UBAP2: variants seen among roughly 807,000 people sequenced by gnomAD.
The protein encoded by UBAP2 is ubiquitin associated protein 2.
UBAP2 carries 75 observed loss-of-function variants against 139.6 expected under a neutral mutation model. That is an observed-to-expected ratio of 0.54 (90% confidence interval 0.45 to 0.65). The LOEUF is 0.65. Ranked by LOEUF, UBAP2 falls within the 30% of genes least tolerant of loss-of-function variation. UBAP2 has a pLI of 0.00. For synonymous variants in UBAP2, 526 were observed against 526.2 expected, an observed-to-expected ratio of 1.00 and a Z score of 0.01; for missense variants, 1,368 against 1,369.6, an observed-to-expected ratio of 1.00 and a Z score of 0.02.
At position 33,988,956 on chromosome 9, in the gene UBAP2, A is replaced by T. The variant is rs1026195249; in HGVS notation, c.442+17T>A. Reference sequence around the variant, plus strand: ...GATGAAAGAAGAGAAAAAACTGAGGAGAAAGTCTGTACTTACATTCTCTGC... The same window carrying T: ...GATGAAAGAAGAGAAAAAACTGAGGTGAAAGTCTGTACTTACATTCTCTGC... On this transcript the variant is annotated intron_variant, in intron 5 of 28. Coordinates refer to ENST00000379238, the MANE Select transcript of UBAP2 (RefSeq NM_001370062.2). 2.5e-6 allele frequency: 4 copies of T among 1,594,720 alleles called. No homozygotes were observed. Among genetic ancestry groups the T allele is most frequent in the African/African-American group, 2.7e-5 (2 of 73,452 alleles).
At chr9:34,043,747 G>T (rs945349646) in intron 1 of UBAP2, among the ~76,000 whole-genome samples, 1 of 151,084 alleles carries the variant, frequency 6.6e-6, no homozygotes, top group African/African-American at 2.4e-5. Flanking sequence ...TTCCACCTCA[G>T]CCTCCCAAAG....
At chr9:33,970,232 C>T (rs1361959026) in intron 8 of UBAP2, among the ~76,000 whole-genome samples, 1 of 151,828 alleles carries the variant, frequency 6.6e-6, no homozygotes, top group Non-Finnish European at 1.5e-5. Flanking sequence ...TTTTCTCCTT[C>T]CTGGAACCAA....
intron 18 of UBAP2, among the ~76,000 whole-genome samples, chr9:33,932,893 CAG>C (rs1824119765): frequency 6.6e-6 from 1 of 152,186 alleles, no homozygotes; most frequent in Admixed American, 6.5e-5. Flanking sequence ...AAAGTGAAGA[CAG>C]AGTTGCACTA....
At chr9:33,927,667 G>A in intron 20 of UBAP2, 130 bp downstream of exon 20, 1 of 933,400 alleles carries the variant, frequency 1.1e-6, no homozygotes, top group Non-Finnish European at 1.6e-6. Flanking sequence ...TGGGCCTCAA[G>A]GTCAGTGGAA....
intron 16 of UBAP2, among the ~76,000 whole-genome samples, chr9:33,941,424 T>C (rs764064607): frequency 1.3e-5 from 2 of 152,188 alleles, no homozygotes; most frequent in Non-Finnish European, 2.9e-5. Context: ...CACGCATGCT[T>C]GGTTTTCTCC....
chr9:34,025,038 G>T (rs866148028), intron 1 of UBAP2, among the ~76,000 whole-genome samples: 1 of 151,736 alleles, frequency 6.6e-6, no homozygotes, highest in South Asian at 2.1e-4. Context: ...AGGTAAAAGC[G>T]TAAGTTACCA....
At position 33,959,001 on chromosome 9, in the gene UBAP2, T is replaced by C. The variant is rs182011889; in HGVS notation, c.798+1825A>G. Among the ~76,000 whole-genome samples the C allele has an allele frequency of 4.0e-5, 6 of 151,560 alleles. No individual in the cohort carries two copies. In the East Asian group the frequency reaches 1.2e-3, roughly 30 times the overall value. On this transcript the variant is annotated intron_variant, in intron 10 of 28. Coordinates refer to ENST00000379238, the MANE Select transcript of UBAP2 (RefSeq NM_001370062.2). ...CCGTCTCTACTAAAAATACAAACAT[T>C]GGCCAGGCATGGTGGCGTGCATCTA...
At chr9:33,941,954 T>A in intron 15 of UBAP2, 92 bp from the exon 16 acceptor site, 1 of 834,698 alleles carries the variant, frequency 1.2e-6, no homozygotes, top group Non-Finnish European at 1.9e-6. Context: ...GAGATGCAAC[T>A]ACTGCATCAA....
At chr9:33,933,977 T>C (rs1030857308) in intron 17 of UBAP2, 1 of 203,012 alleles carries the variant, frequency 4.9e-6, no homozygotes, top group Non-Finnish European at 1.0e-5. Flanking sequence ...GCCTAATATG[T>C]AGAATTATAA....
At chr9:33,927,384 C>G (rs1361755325) in intron 20 of UBAP2, among the ~76,000 whole-genome samples, 1 of 152,102 alleles carries the variant, frequency 6.6e-6, no homozygotes, top group Non-Finnish European at 1.5e-5. Flanking sequence ...CTGCCTCCTC[C>G]AAAGAGGGCA....
chr9:33,930,572 C>T (rs540359364), intron 19 of UBAP2, among the ~76,000 whole-genome samples: 46 of 152,130 alleles, frequency 3.0e-4, no homozygotes, highest in African/African-American at 1.0e-3. Context: ...ATAAAATACT[C>T]TCATTTATGT....
intron 1 of UBAP2, among the ~76,000 whole-genome samples, chr9:34,047,304 T>C (rs1483099381): frequency 6.6e-6 from 1 of 152,096 alleles, no homozygotes; most frequent in Admixed American, 6.6e-5. Context: ...ACTAATCACT[T>C]CTGCCTAATG....
intron 2 of UBAP2, chr9:34,011,803 T>A: frequency 4.5e-6 from 1 of 224,282 alleles, no homozygotes; most frequent in Non-Finnish European, 7.6e-6. Flanking sequence ...CCAAGAAAAG[T>A]ACCATCACTA....
At chr9:33,954,266 A>G (rs1013763618) in intron 11 of UBAP2, among the ~76,000 whole-genome samples, 4 of 143,152 alleles carry the variant, frequency 2.8e-5, no homozygotes, top group East Asian at 2.1e-4. Context: ...AAGTGTGTGT[A>G]TATACACACA....
intron 10 of UBAP2, among the ~76,000 whole-genome samples, chr9:33,958,609 C>T (rs918674655): frequency 4.7e-5 from 7 of 150,404 alleles, no homozygotes; most frequent in Non-Finnish European, 1.0e-4. Context: ...GGTTTCACCA[C>T]GTTGGCCAGG....
At chr9:33,927,752 T>C (rs1323205807) in intron 20 of UBAP2, 45 bp downstream of exon 20, 4 of 1,556,702 alleles carry the variant, frequency 2.6e-6, no homozygotes, top group Middle Eastern at 2.2e-4. Context: ...GCAGGCACCT[T>C]TGAGGGGCTC....
At chr9:34,033,917 G>A (rs2131340218) in intron 1 of UBAP2, among the ~76,000 whole-genome samples, 1 of 151,982 alleles carries the variant, frequency 6.6e-6, no homozygotes, top group Non-Finnish European at 1.5e-5. Flanking sequence ...TGCATTTTTA[G>A]TAGAGACGGG....
chr9:34,020,273 C>A (rs896913118), intron 1 of UBAP2, among the ~76,000 whole-genome samples: 31 of 151,858 alleles, frequency 2.0e-4, no homozygotes, highest in Non-Finnish European at 3.7e-4. Context: ...AGGTCTTCAG[C>A]GCAATAACAC....
chr9:33,926,658 C>T lies in UBAP2; in HGVS notation c.2470G>A (p.Gly824Ser), dbSNP rs755968226. ...TGCAGCATCTGGAGCTCGTCATAGCCATAGATCTGTGTGAGAACCAGAAAG... is the reference window on the plus strand; with the variant it reads ...TGCAGCATCTGGAGCTCGTCATAGCTATAGATCTGTGTGAGAACCAGAAAG... ...GGLLPAYPIY[G>S]YDELQMLQSR... is the part of the protein sequence containing the mutation. The change falls in exon 22 of 29, where the codon GGC becomes AGC. Residue 824 changes from glycine to serine, a missense_variant. Gly to Ser is a moderately conservative substitution (Grantham distance 56). Coordinates refer to ENST00000379238, the MANE Select transcript of UBAP2 (RefSeq NM_001370062.2). 1.9e-6 allele frequency: 3 copies of T among 1,614,208 alleles called. No individual in the cohort carries two copies. Among genetic ancestry groups the T allele is most frequent in the Admixed American group, 1.7e-5 (1 of 60,028 alleles).
Sources: gnomAD v4.1 joint callset for allele counts (sites outside exome capture counted in the v4.1 genomes callset) on GRCh38, gnomAD v4.1.1 for gene constraint, MANE v1.5 for transcripts, NCBI Gene and HGNC (gene_info 2026-07-23, HGNC 2026-07-21) for gene names.